Variants in FASN observed in about 807,000 individuals in gnomAD.
FASN encodes 3-hydroxyacyl-[acyl-carrier-protein] dehydratase.
Under a neutral mutation model 250.0 loss-of-function variants are expected in FASN, and 50 were observed. The observed-to-expected ratio is 0.20, with a 90% CI of 0.16 to 0.25. FASN has a LOEUF of 0.25. FASN is among the 10% of genes least tolerant of loss of function. The probability of loss-of-function intolerance (pLI) is 1.00; values close to 1 mark genes in which losing one functional copy is unlikely to be tolerated. For missense variants in FASN, 3,031 were observed against 3,498.5 expected, an observed-to-expected ratio of 0.87 and a Z score of 3.37; for synonymous variants, 1,909 against 1,584.0, an observed-to-expected ratio of 1.21 and a Z score of -4.87.
In FASN at chr17:82,095,324, G is replaced by A. The variant is rs568118566; in HGVS notation, c.276C>T (p.Asp92=). 64 of 1,612,890 alleles carry A rather than the reference G, an allele frequency of 4.0e-5. No individual in the cohort carries two copies. The highest frequency in any genetic ancestry group is 8.8e-5 in the South Asian group (8 of 91,090). The change falls in exon 3 of 43, where the codon GAC becomes GAT. Residue 92 remains aspartate (D), a synonymous_variant. Transcript: ENST00000306749. ...AGTCGCGAATGCCCGACCCACCTCC[G>A]TCCACGATGGCTTCATAGGTGACTT... ...LLEVTYEAIV[D]GGINPDSLRG...
intron 42 of FASN, 33 bp downstream of exon 42, chr17:82,079,324 C>A (rs541356726): frequency 1.9e-6 from 3 of 1,613,028 alleles, no homozygotes; most frequent in Admixed American, 3.3e-5. Context: ...CACTCCTGTC[C>A]CTGTCCCCGT....
chr17:82,089,489 G>A (rs1348267354), intron 12 of FASN, 105 bp from the exon 13 acceptor site: 3 of 1,595,676 alleles, frequency 1.9e-6, no homozygotes, highest in Non-Finnish European at 2.6e-6. Context: ...AGAGGGAATG[G>A]GCAAGGGACC....
In FASN at chr17:82,078,871, G is replaced by C; in HGVS notation, c.*272C>G. On this transcript the variant is annotated 3_prime_UTR_variant, in exon 43 of 43. Transcript: ENST00000306749. The surrounding 1 kb of genome is among the most constrained non-coding windows in gnomAD (Gnocchi z 5.4). ...AGCGCAGACCCCACGGGCGCACGAGGCCCAGCCCAGTTCCTGCGGGCACGG... is the reference window on the plus strand; with the variant it reads ...AGCGCAGACCCCACGGGCGCACGAGCCCCAGCCCAGTTCCTGCGGGCACGG... 1 of 574,500 alleles carries C rather than the reference G, an allele frequency of 1.7e-6. No individual in the cohort carries two copies. Among genetic ancestry groups the C allele is most frequent in the Non-Finnish European group, 3.1e-6 (1 of 320,314 alleles). 35.6% of individuals were successfully genotyped at this position (574,500 alleles called of 1,614,324 possible).
In FASN at chr17:82,093,602, G is replaced by T. The variant is rs560453532; in HGVS notation, c.450C>A (p.Phe150Leu). ...MANRLSFFFD[F>L]RGPSIALDTA... ...AGGAGGCTGGGCAGGACCCACCTCT[G>T]AAGTCGAAGAAGAAGGAGAGCCGGT... Residue 150 changes from phenylalanine to leucine, a missense_variant, in exon 4 of 43, where the codon TTC becomes TTA. Coordinates refer to ENST00000306749, the MANE Select transcript of FASN (RefSeq NM_004104.5). The T allele has an allele frequency of 4.3e-6, 7 of 1,612,778 alleles. No individual in the cohort carries two copies. In the South Asian group the frequency reaches 7.7e-5, roughly 18 times the overall value.
Position 82,082,937 on chromosome 17 carries a change from G to A in FASN, c.5744C>T (p.Thr1915Ile), listed in dbSNP as rs764251871. The change falls in exon 33 of 43, where the codon ACT becomes ATT. Residue 1915 changes from threonine to isoleucine, a missense_variant. By Grantham distance (89) the Thr-to-Ile change is moderately conservative. Coordinates refer to ENST00000306749, the MANE Select transcript of FASN (RefSeq NM_004104.5). ...ACCTGTCCGGATCCCGGAGCGAGAA[G>A]TCAACACGAGCTTCTGCACCCCACG... ...IQRGVQKLVL[T>I]SRSGIRTGYQ... 1 of 1,612,826 alleles carries A rather than the reference G, an allele frequency of 6.2e-7. No individual in the cohort carries two copies. Among genetic ancestry groups the A allele is most frequent in the South Asian group, 1.1e-5 (1 of 91,088 alleles).
chr17:82,085,124 A>G lies in FASN; in HGVS notation c.4320T>C (p.Pro1440=), dbSNP rs2034067739. The change falls in exon 25 of 43, where the codon CCT becomes CCC. Residue 1440 remains proline (P), a synonymous_variant. Transcript: ENST00000306749. ...GILADEDSSR[P]VWLKAINCAT... is the part of the protein sequence containing the mutation. ...CACAGTTGATGGCCTTCAGCCACAC[A>G]GGCCGGGAAGAGTCTTCGTCAGCCA... 7 of 1,612,250 alleles carry G rather than the reference A, an allele frequency of 4.3e-6. No individual in the cohort carries two copies. The highest frequency in any genetic ancestry group is 5.9e-6 in the Non-Finnish European group (7 of 1,179,864).
In FASN at chr17:82,087,787, C is replaced by T; in HGVS notation, c.2941G>A (p.Glu981Lys). 1 of 1,612,630 alleles carries T rather than the reference C, an allele frequency of 6.2e-7. No homozygotes were observed. Among genetic ancestry groups the T allele is most frequent in the South Asian group, 1.1e-5 (1 of 91,078 alleles). Residue 981 changes from glutamate to lysine, a missense_variant, in exon 19 of 43, where the codon GAG (glutamate) becomes AAG (lysine). By Grantham distance (56) the Glu-to-Lys change is moderately conservative. Transcript: ENST00000306749. ...TCAGCCTGGGCCAGGAAGAGGGGCT[C>T]CGTGGGGTTGGGGGTGGGGCTTTCC... Reference protein sequence around the residue: ...HPESPTPNPTEPLFLAQAEVY... With the variant: ...HPESPTPNPTKPLFLAQAEVY...
chr17:82,094,072 T>G (rs2034263964), intron 3 of FASN: 2 of 501,144 alleles, frequency 4.0e-6, no homozygotes, highest in South Asian at 2.0e-5. Context: ...ACGGCCAGAG[T>G]GGCTCCAGGA....
rs900074296 is a variant in FASN at position 82,078,563 on chromosome 17, G to C, written c.*580C>G. 6.1e-6 allele frequency: 1 copy of C among 164,680 alleles called. No individual in the cohort carries two copies. The highest frequency in any genetic ancestry group is 5.7e-5 in the Admixed American group (1 of 17,418). 10.2% of individuals were successfully genotyped at this position (164,680 alleles called of 1,614,324 possible). A position where few individuals can be genotyped will look rare whatever the true frequency, so the allele number is the denominator to read the frequency against. On this transcript the variant is annotated 3_prime_UTR_variant, in exon 43 of 43. Transcript: ENST00000306749. This position sits in a 1 kb window ranked among gnomAD's most constrained non-coding sequence, Gnocchi z 5.4. ...GGCAGCACCCCACGGGTGGCTGTGC[G>C]GGGGGCCGCTGGGTGTGGCCGGGCC...
At chr17:82,096,060 G>T (rs2034297535) in intron 2 of FASN, among the ~76,000 whole-genome samples, 2 of 152,242 alleles carry the variant, frequency 1.3e-5, no homozygotes, top group Non-Finnish European at 1.5e-5. Flanking sequence ...GCCATTGGGG[G>T]AGCCTCCTGT....
In FASN at chr17:82,095,345, G is replaced by A; in HGVS notation, c.255C>T (p.Val85=). The change falls in exon 3 of 43, where the codon GTC becomes GTT. Residue 85 remains valine (V), a synonymous_variant. Transcript: ENST00000306749. ...MDPQLRLLLE[V]TYEAIVDGGI... ...CTCCGTCCACGATGGCTTCATAGGTGACTTCCAGCAGCAGCCGCAGCTGAG... is the reference window on the plus strand; with the variant it reads ...CTCCGTCCACGATGGCTTCATAGGTAACTTCCAGCAGCAGCCGCAGCTGAG... The A allele has an allele frequency of 1.2e-6, 2 of 1,612,960 alleles. No homozygotes were observed. The highest frequency in any genetic ancestry group is 8.5e-7 in the Non-Finnish European group (1 of 1,180,026).
intron 22 of FASN, 94 bp downstream of exon 22, chr17:82,086,160 G>T: frequency 6.5e-7 from 1 of 1,528,364 alleles, no homozygotes; most frequent in African/African-American, 1.4e-5. Context: ...ACCGCCCAGG[G>T]CCCGCCCCGT....
Position 82,085,457 on chromosome 17 carries a change from C to T in FASN, c.4122+25G>A, listed in dbSNP as rs776010398. ...GCCTGGCCCTCACCCGGCCCCCACC[C>T]TGTCCCCCTGCCCGGCGGCCGCACC... On this transcript the variant is annotated intron_variant, in intron 23 of 42. Transcript: ENST00000306749. 3.1e-6 allele frequency: 5 copies of T among 1,591,942 alleles called. No individual in the cohort carries two copies. In the East Asian group the frequency reaches 6.9e-5, roughly 22 times the overall value.
chr17:82,080,531 C>T lies in FASN; in HGVS notation c.6886G>A (p.Val2296Met). The change falls in exon 40 of 43, where the codon GTG becomes ATG. Residue 2296 changes from valine to methionine, a missense_variant. Physicochemically the swap from Val to Met is conservative, Grantham distance 21 (BLOSUM62 1). Transcript: ENST00000306749. ...AAYYIDCIRQVQPEGPYRVAG... is the reference protein window; with the variant it reads ...AAYYIDCIRQMQPEGPYRVAG... The stretch of plus-strand genomic sequence containing the variant: ...ACGCGGTAGGGGCCCTCGGGCTGCA[C>T]CTGCCTGATGCAGTCGATGTAGTAG... 1.3e-6 allele frequency: 2 copies of T among 1,561,586 alleles called. No individual in the cohort carries two copies. The highest frequency in any genetic ancestry group is 4.8e-5 in the East Asian group (2 of 41,878).
chr17:82,088,337 GC>G (rs1568112467), intron 16 of FASN, 30 bp from the exon 17 acceptor site: 1 of 1,609,910 alleles, frequency 6.2e-7, no homozygotes, highest in Non-Finnish European at 8.5e-7. Context: ...TCAGCACAGA[GC>G]GGGCGTCTGT....
chr17:82,097,986 C>G (rs1449138487), intron 1 of FASN, 135 bp downstream of exon 1: 2 of 289,490 alleles, frequency 6.9e-6, no homozygotes, highest in African/African-American at 2.2e-5. Flanking sequence ...GACAGGCCGC[C>G]CAGGCGACCC....
Position 82,090,441 on chromosome 17 carries a change from C to A in FASN, c.1804G>T (p.Ala602Ser), listed in dbSNP as rs746294257. 1 of 1,604,048 alleles carries A rather than the reference C, an allele frequency of 6.2e-7. No homozygotes were observed. Among genetic ancestry groups the A allele is most frequent in the Admixed American group, 1.7e-5 (1 of 58,680 alleles). ...ATGCACTGTCCCCTCCAGTAGGCAGCGAGGACGGCCTCCTCCTGGGACAGG... is the reference window on the plus strand; with the variant it reads ...ATGCACTGTCCCCTCCAGTAGGCAGAGAGGACGGCCTCCTCCTGGGACAGG... ...GCLSQEEAVL[A>S]AYWRGQCIKE... Residue 602 changes from alanine (A) to serine (S), a missense_variant, in exon 11 of 43, where the codon GCT (alanine) becomes TCT (serine). Coordinates refer to ENST00000306749, the MANE Select transcript of FASN (RefSeq NM_004104.5).
At chr17:82,090,798 A>T (rs2034190810) in intron 10 of FASN, 84 bp downstream of exon 10, 2 of 1,484,152 alleles carry the variant, frequency 1.3e-6, no homozygotes, top group African/African-American at 2.8e-5. Context: ...GGGGCCCCGG[A>T]CTCAACACTG....
Position 82,087,193 on chromosome 17 carries a change from G to A in FASN, c.3284C>T (p.Ser1095Phe), listed in dbSNP as rs4363911. The A allele has an allele frequency of 6.8e-6, 11 of 1,607,774 alleles. No individual in the cohort carries two copies. The South Asian group carries it at 1.2e-4, about 18-fold the overall frequency. Residue 1095 changes from serine (S) to phenylalanine (F), a missense_variant, in exon 21 of 43, where the codon TCC becomes TTC. Coordinates refer to ENST00000306749, the MANE Select transcript of FASN (RefSeq NM_004104.5). ...RVTVAGGVHI[S>F]GLHTESAPRR... The stretch of plus-strand genomic sequence containing the variant: ...CGGGGCCGACTCAGTGTGGAGCCCG[G>A]AGATGTGGACGCCTCCGGCCACTGT...
Sources: gnomAD v4.1 joint callset for allele counts (sites outside exome capture counted in the v4.1 genomes callset) on GRCh38, gnomAD v4.1.1 for gene constraint, Gnocchi (gnomAD v3.1) non-coding constraint, MANE v1.5 for transcripts, NCBI Gene and HGNC (gene_info 2026-07-23, HGNC 2026-07-21) for gene names.